NXPE2: variants seen among roughly 807,000 people sequenced by gnomAD.
The protein encoded by NXPE2 is neurexophilin and PC-esterase domain family member 2, also known as NXPE family member 2.
NXPE2 carries 34 observed loss-of-function variants against 34.4 expected under a neutral mutation model. The ratio of observed to expected loss-of-function variants is 0.99; its 90% confidence interval spans 0.75 to 1.31. The LOEUF (loss-of-function observed/expected upper bound fraction) is 1.31, where lower values mean the gene tolerates loss of function less well. Among genes scored for constraint, NXPE2 ranks in the 40% most tolerant of loss-of-function variants. The pLI is 0.00. For synonymous variants in NXPE2, 235 were observed against 231.3 expected, an observed-to-expected ratio of 1.02 and a Z score of -0.15; for missense variants, 649 against 672.5, an observed-to-expected ratio of 0.97 and a Z score of 0.39.
chr11:114,687,632 T>C (rs1272934794), intron 2 of NXPE2, among the ~76,000 whole-genome samples: 3 of 152,120 alleles, frequency 2.0e-5, no homozygotes, highest in African/African-American at 7.2e-5. Context: ...TTAGAATAGT[T>C]CTTTCTCATT....
chr11:114,635,471 A>G, the NXPE2 span, among the ~76,000 whole-genome samples: 6 of 151,902 alleles, frequency 3.9e-5, no homozygotes, highest in Admixed American at 6.6e-5. Flanking sequence ...TCTCCTGCGT[A>G]ATTGCCCTGG....
intron 2 of NXPE2, among the ~76,000 whole-genome samples, chr11:114,697,350 G>T (rs1387554155): frequency 6.6e-6 from 1 of 152,110 alleles, no homozygotes; most frequent in East Asian, 1.9e-4. Context: ...GAACACCAAG[G>T]ATTACTGGAA....
chr11:114,679,205 A>G lies in NXPE2; in HGVS notation c.27-452A>G, dbSNP rs7944376. On this transcript the variant is annotated intron_variant, in intron 1 of 5. Transcript: ENST00000389586. ...TGGTTTATAATGAAGCTCTTGAGGC[A>G]GATAAGACCAGGGAGAGAGGGTACC... Among the ~76,000 whole-genome samples the G allele has an allele frequency of 1.9e-3, 277 of 147,940 alleles. 2 individuals are homozygous for G. The highest frequency in any genetic ancestry group is 5.4e-3 in the African/African-American group (218 of 40,116).
the NXPE2 span, among the ~76,000 whole-genome samples, chr11:114,730,492 A>G: frequency 6.6e-6 from 1 of 152,190 alleles, no homozygotes; most frequent in African/African-American, 2.4e-5. Flanking sequence ...TGCTTTGGGC[A>G]GTATGGCCAT....
the NXPE2 span, among the ~76,000 whole-genome samples, chr11:114,494,886 T>G: frequency 6.6e-6 from 1 of 152,184 alleles, no homozygotes; most frequent in Non-Finnish European, 1.5e-5. Context: ...TGTGTTGTGA[T>G]GTAAGTCTTT....
chr11:114,514,286 C>T, the NXPE2 span, among the ~76,000 whole-genome samples: 4 of 152,256 alleles, frequency 2.6e-5, no homozygotes, highest in African/African-American at 7.2e-5. Flanking sequence ...TTTGCTATTA[C>T]AGTATTGAAA....
At position 114,706,692 on chromosome 11, in the gene NXPE2, C is replaced by G. The variant is rs978192550; in HGVS notation, c.1442C>G (p.Pro481Arg). ...ATTGAACGTCTATTCTTGCGAAGCC[C>G]GGAGACCAAGGTGATACTTAAAACT... ...KAIERLFLRS[P>R]ETKVILKTEN... The change falls in exon 6 of 6, where the codon CCG (proline) becomes CGG (arginine). Residue 481 changes from proline (P) to arginine (R), a missense_variant. By Grantham distance (103) the Pro-to-Arg change is moderately radical. Coordinates refer to ENST00000389586, the MANE Select transcript of NXPE2 (RefSeq NM_182495.6). 1 of 1,552,088 alleles carries G rather than the reference C, an allele frequency of 6.4e-7. No homozygotes were observed. Among genetic ancestry groups the G allele is most frequent in the Non-Finnish European group, 8.7e-7 (1 of 1,147,064 alleles).
At chr11:114,517,384 A>G in the NXPE2 span, among the ~76,000 whole-genome samples, 2 of 152,156 alleles carry the variant, frequency 1.3e-5, no homozygotes, top group Non-Finnish European at 2.9e-5. Context: ...TCTCACTATA[A>G]ACACAGCATT....
the NXPE2 span, among the ~76,000 whole-genome samples, chr11:114,655,253 A>G: frequency 6.6e-6 from 1 of 152,104 alleles, no homozygotes; most frequent in Non-Finnish European, 1.5e-5. Flanking sequence ...GATTGCAAAA[A>G]TTTTCTCCCA....
chr11:114,715,514 C>T, the NXPE2 span, among the ~76,000 whole-genome samples: 1 of 152,026 alleles, frequency 6.6e-6, no homozygotes, highest in Admixed American at 6.5e-5. Context: ...TATAAAATTA[C>T]ATAATAGAAA....
the NXPE2 span, among the ~76,000 whole-genome samples, chr11:114,805,915 C>A: frequency 6.6e-6 from 1 of 152,208 alleles, no homozygotes; most frequent in Non-Finnish European, 1.5e-5. Context: ...GGTCCCTGAC[C>A]CCCGAGTAGC....
the NXPE2 span, among the ~76,000 whole-genome samples, chr11:114,549,511 AG>A: frequency 6.6e-6 from 1 of 152,212 alleles, no homozygotes. Flanking sequence ...TCTTCATAAA[AG>A]CACAATAGGA....
chr11:114,801,556 T>A, the NXPE2 span, among the ~76,000 whole-genome samples: 1 of 152,162 alleles, frequency 6.6e-6, no homozygotes, highest in African/African-American at 2.4e-5. Context: ...TTCAGATTCT[T>A]AAAAGAGTGC....
At chr11:114,497,560 A>G in the NXPE2 span, among the ~76,000 whole-genome samples, 3,013 of 152,350 alleles carry the variant, frequency 0.02, 101 homozygotes, top group African/African-American at 0.067. Context: ...TACAGTATTC[A>G]ATACGATAAA....
intron 4 of NXPE2, among the ~76,000 whole-genome samples, chr11:114,704,922 G>A (rs1454278111): frequency 6.6e-6 from 1 of 152,200 alleles, no homozygotes; most frequent in Non-Finnish European, 1.5e-5. Flanking sequence ...GTAATTTCTA[G>A]TAAAGTCAGG....
the NXPE2 span, among the ~76,000 whole-genome samples, chr11:114,564,385 C>T: frequency 6.6e-6 from 1 of 151,938 alleles, no homozygotes; most frequent in Admixed American, 6.6e-5. Flanking sequence ...ATCAATGCAC[C>T]AAAATCTCAT....
the NXPE2 span, among the ~76,000 whole-genome samples, chr11:114,785,147 G>A: frequency 1.2e-4 from 18 of 151,962 alleles, 1 homozygote; most frequent in Admixed American, 1.0e-3. Flanking sequence ...TCAAAATGGC[G>A]ACACAGGCAC....
the NXPE2 span, among the ~76,000 whole-genome samples, chr11:114,739,330 TCCTTCCTTCCCC>T: frequency 1.1e-4 from 5 of 47,482 alleles, no homozygotes; most frequent in East Asian, 1.4e-3. Flanking sequence ...CTTCCTTCCT[TCCTTCCTTCCCC>T]CCTTCCTCTC....
chr11:114,465,937 G>T, the NXPE2 span, among the ~76,000 whole-genome samples: 1 of 152,130 alleles, frequency 6.6e-6, no homozygotes. Context: ...TCTACATCTA[G>T]TTATAGCTGC....
Sources: gnomAD v4.1 joint callset for allele counts (sites outside exome capture counted in the v4.1 genomes callset) on GRCh38, gnomAD v4.1.1 for gene constraint, MANE v1.5 for transcripts, NCBI Gene and HGNC (gene_info 2026-07-23, HGNC 2026-07-21) for gene names.